MGAT5: variants seen among roughly 807,000 people sequenced by gnomAD.
MGAT5 encodes alpha-1,6-mannosylglycoprotein 6-beta-N-acetylglucosaminyltransferase A.
A neutral mutation model predicts 94.3 loss-of-function variants in MGAT5; 30 were observed. That is an observed-to-expected ratio of 0.32 (90% CI 0.24 to 0.43). MGAT5 has a LOEUF of 0.43. MGAT5 is among the 20% of genes least tolerant of loss of function. MGAT5 has a pLI of 1.00. For missense variants in MGAT5, 691 were observed against 905.5 expected (o/e 0.76, Z 3.04); for synonymous variants, 310 against 322.9 (o/e 0.96, Z 0.43).
In MGAT5 at chr2:134,451,269, G is replaced by C. The variant is rs1407150695; in HGVS notation, c.*2422G>C. The stretch of plus-strand genomic sequence containing the variant: ...CGCCCTGCCCGGGCCAGACAGCCCA[G>C]AAGAACACTTTTCTGCCATTTAAAA... On this transcript the variant is annotated 3_prime_UTR_variant, in exon 16 of 16. Transcript: ENST00000281923. The C allele has an allele frequency of 6.6e-6, 1 of 152,284 alleles. No individual in the cohort carries two copies. Among genetic ancestry groups the C allele is most frequent in the Non-Finnish European group, 1.5e-5 (1 of 68,102 alleles). 9.4% of individuals were successfully genotyped at this position (152,284 alleles called of 1,614,324 possible). A position where few individuals can be genotyped will look rare whatever the true frequency, so the allele number is the denominator to read the frequency against.
At chr2:134,360,690 TC>T (rs1379463189) in intron 9 of MGAT5, among the ~76,000 whole-genome samples, 2 of 152,222 alleles carry the variant, frequency 1.3e-5, no homozygotes, top group Non-Finnish European at 2.9e-5. Flanking sequence ...TCCCCGCTAA[TC>T]CTTGAAAATT....
chr2:134,431,610 C>G (rs895159540), intron 14 of MGAT5, among the ~76,000 whole-genome samples: 2 of 152,180 alleles, frequency 1.3e-5, no homozygotes, highest in Non-Finnish European at 2.9e-5. Context: ...AACAAGAAAG[C>G]CTGCAGCTCC....
chr2:134,130,114 G>A (rs550835796), intron 1 of MGAT5, among the ~76,000 whole-genome samples: 8 of 151,578 alleles, frequency 5.3e-5, no homozygotes, highest in African/African-American at 1.7e-4. Flanking sequence ...CTGCCGGCCC[G>A]TCCGCACCAG....
intron 1 of MGAT5, among the ~76,000 whole-genome samples, chr2:134,193,678 T>C (rs1324572956): frequency 3.9e-5 from 1 of 25,558 alleles, no homozygotes; most frequent in Non-Finnish European, 7.0e-5. Context: ...CAAATCTTTG[T>C]GTGTGTGTGT....
At chr2:134,136,293 G>A (rs976814427) in intron 1 of MGAT5, among the ~76,000 whole-genome samples, 6 of 152,288 alleles carry the variant, frequency 3.9e-5, no homozygotes, top group South Asian at 2.1e-4. Context: ...GGGGCCAGAC[G>A]CGGTGGCTCA....
intron 1 of MGAT5, among the ~76,000 whole-genome samples, chr2:134,120,540 C>T (rs1056082457): frequency 6.6e-6 from 1 of 151,928 alleles, no homozygotes; most frequent in Non-Finnish European, 1.5e-5. Flanking sequence ...CCCACCTGCC[C>T]CGGGCAGCCC....
intron 2 of MGAT5, among the ~76,000 whole-genome samples, chr2:134,300,972 T>G (rs552049881): frequency 6.6e-6 from 1 of 152,092 alleles, no homozygotes; most frequent in African/African-American, 2.4e-5. Flanking sequence ...ACAGGCAAGA[T>G]AAGGAACATA....
In MGAT5 at chr2:134,428,487, G is replaced by C. The variant is rs1263509029; in HGVS notation, c.1869+48G>C. ...CTGTCTTTGCTGTGTACTGCTTCCT[G>C]TGACGCCATAGGGCTCTCAAGAACA... On this transcript the variant is annotated intron_variant, in intron 14 of 15. Coordinates refer to ENST00000281923, the MANE Select transcript of MGAT5 (RefSeq NM_002410.5). 6 of 1,532,976 alleles carry C rather than the reference G, an allele frequency of 3.9e-6. No individual in the cohort carries two copies. In the African/African-American group the frequency reaches 8.2e-5, roughly 21 times the overall value. The allele number at this position is 1,532,976 out of a possible 1,614,324, so 95.0% of individuals were successfully genotyped here. A position where few individuals can be genotyped will look rare whatever the true frequency, so the allele number is the denominator to read the frequency against.
chr2:134,292,912 C>T (rs1298029299), intron 2 of MGAT5, among the ~76,000 whole-genome samples: 1 of 152,208 alleles, frequency 6.6e-6, no homozygotes, highest in Non-Finnish European at 1.5e-5. Flanking sequence ...TAAGCAGGTA[C>T]TCAGAAGGCC....
chr2:134,221,351 G>T (rs1475648605), intron 1 of MGAT5, among the ~76,000 whole-genome samples: 1 of 152,158 alleles, frequency 6.6e-6, no homozygotes, highest in African/African-American at 2.4e-5. Context: ...GTTGACAATT[G>T]GTTGAGTTTA....
At chr2:134,198,084 G>T (rs916511273) in intron 1 of MGAT5, among the ~76,000 whole-genome samples, 1 of 152,212 alleles carries the variant, frequency 6.6e-6, no homozygotes, top group Non-Finnish European at 1.5e-5. Flanking sequence ...CTTGTCATCT[G>T]TACCAGAAGC....
intron 1 of MGAT5, among the ~76,000 whole-genome samples, chr2:134,121,505 C>T (rs80291517): frequency 0.041 from 6,251 of 152,294 alleles, 409 homozygotes; most frequent in African/African-American, 0.14. Context: ...CTTGGCTCCT[C>T]AGGGCTGCGG....
At chr2:134,126,056 T>C (rs1024515085) in intron 1 of MGAT5, among the ~76,000 whole-genome samples, 2 of 152,242 alleles carry the variant, frequency 1.3e-5, no homozygotes, top group Non-Finnish European at 2.9e-5. Context: ...ATTCCCGCAG[T>C]GTCTGCGGAG....
At chr2:134,408,141 G>A (rs1282777394) in intron 11 of MGAT5, among the ~76,000 whole-genome samples, 1 of 152,156 alleles carries the variant, frequency 6.6e-6, no homozygotes, top group Non-Finnish European at 1.5e-5. Flanking sequence ...CTGCCTCCGT[G>A]TTGGCGGCTG....
chr2:134,440,511 G>A (rs1375230898), intron 14 of MGAT5, among the ~76,000 whole-genome samples: 10 of 152,148 alleles, frequency 6.6e-5, no homozygotes, highest in Non-Finnish European at 2.9e-5. Context: ...AATGCACCCC[G>A]CGATAGAACC....
At chr2:134,372,379 T>C (rs988271789) in intron 10 of MGAT5, among the ~76,000 whole-genome samples, 2 of 152,304 alleles carry the variant, frequency 1.3e-5, no homozygotes, top group African/African-American at 4.8e-5. Flanking sequence ...CAAAACATGG[T>C]TATGGGTTTC....
intron 6 of MGAT5, among the ~76,000 whole-genome samples, chr2:134,340,036 G>A (rs901665165): frequency 6.6e-6 from 1 of 152,152 alleles, no homozygotes; most frequent in African/African-American, 2.4e-5. Context: ...TTTGCAGTGT[G>A]GAAGAGAAGA....
intron 1 of MGAT5, among the ~76,000 whole-genome samples, chr2:134,136,359 G>A (rs1686411530): frequency 6.6e-6 from 1 of 152,172 alleles, no homozygotes; most frequent in Admixed American, 6.5e-5. Flanking sequence ...TTGAGGCCAG[G>A]AGTTTGAGAC....
Position 134,405,705 on chromosome 2 carries a change from T to C in MGAT5, c.1530+2568T>C, listed in dbSNP as rs553619625. On this transcript the variant is annotated intron_variant, in intron 11 of 15. Transcript: ENST00000281923. ...GGCAAGAGAAGCAGGGCTGACCTCC[T>C]CAAGAGAGTTAGAGACATAGAGAGA... 3.9e-5 allele frequency among the ~76,000 whole-genome samples: 6 copies of C among 152,344 alleles called. No individual in the cohort carries two copies. The South Asian group carries it at 1.2e-3, about 32-fold the overall frequency.
Sources: allele counts gnomAD v4.1 joint callset (sites outside exome capture counted in the v4.1 genomes callset), GRCh38; gene constraint gnomAD v4.1.1; transcripts MANE v1.5; gene names NCBI Gene and HGNC (gene_info 2026-07-23, HGNC 2026-07-21).